PLXDC2: variants seen among roughly 807,000 people sequenced by gnomAD.
PLXDC2 encodes plexin domain-containing protein 2.
Under a neutral mutation model 68.9 loss-of-function variants are expected in PLXDC2, and 40 were observed. The ratio of observed to expected loss-of-function variants is 0.58; its 90% CI spans 0.45 to 0.76. PLXDC2 has a LOEUF of 0.76. PLXDC2 is among the 30% of genes least tolerant of loss of function. The probability of loss-of-function intolerance (pLI) is 0.00; values close to 1 mark genes in which losing one functional copy is unlikely to be tolerated. For synonymous variants in PLXDC2, 243 were observed against 234.2 expected (o/e 1.04, Z -0.34); for missense variants, 644 against 661.9 (o/e 0.97, Z 0.30).
At chr10:20,244,881 T>C (rs1835568164) in intron 12 of PLXDC2, among the ~76,000 whole-genome samples, 2 of 152,140 alleles carry the variant, frequency 1.3e-5, no homozygotes, top group Non-Finnish European at 2.9e-5. Context: ...TTTGGGAGGC[T>C]GAGGCAGGCG....
intron 1 of PLXDC2, among the ~76,000 whole-genome samples, chr10:19,955,426 C>T (rs1393757059): frequency 6.6e-6 from 1 of 152,018 alleles, no homozygotes; most frequent in East Asian, 1.9e-4. Flanking sequence ...TCTTGATTCC[C>T]CTTTTCATCA....
intron 4 of PLXDC2, among the ~76,000 whole-genome samples, chr10:20,126,966 T>C (rs1410821329): frequency 6.7e-6 from 1 of 149,714 alleles, no homozygotes; most frequent in African/African-American, 2.4e-5. Flanking sequence ...TATATACATA[T>C]ATATAAAACA....
rs911172851 is a variant in PLXDC2 at position 20,282,403 on chromosome 10, T to C, written c.*2584T>C. ...TTACATAATTATGTATTAGAGAAGG[T>C]GCAACTGTACATTACTTAATATACT... On this transcript the variant is annotated 3_prime_UTR_variant, in exon 14 of 14. Coordinates refer to ENST00000377252, the MANE Select transcript of PLXDC2 (RefSeq NM_032812.9). The C allele has an allele frequency of 5.3e-5, 8 of 152,102 alleles. No homozygotes were observed. Among genetic ancestry groups the C allele is most frequent in the African/African-American group, 1.9e-4 (8 of 41,422 alleles). The allele number at this position is 152,102 out of a possible 1,614,324, so 9.4% of individuals were successfully genotyped here.
At position 19,870,587 on chromosome 10, in the gene PLXDC2, G is replaced by T. The variant is rs371073284; in HGVS notation, c.112+53396G>T. On this transcript the variant is annotated intron_variant, in intron 1 of 13. Transcript: ENST00000377252. ...ATTACAGGTGCCTGCCACCACACCT[G>T]GCTAATTTTTGTATTTTTAGTAGAG... 3.9e-5 allele frequency among the ~76,000 whole-genome samples: 6 copies of T among 151,920 alleles called. 1 individual carries two copies. The highest frequency in any genetic ancestry group is 1.5e-4 in the African/African-American group (6 of 41,358).
At chr10:19,999,390 GTT>G (rs10715864) in intron 1 of PLXDC2, among the ~76,000 whole-genome samples, 58 of 101,170 alleles carry the variant, frequency 5.7e-4, no homozygotes, top group Admixed American at 2.4e-3. Flanking sequence ...GTAGGTGTTT[GTT>G]TTTTTTTTTT....
chr10:20,014,382 GCTTCCTTCCTTCCTTCCTTCCTTCCTTC>G (rs539488828), intron 2 of PLXDC2, among the ~76,000 whole-genome samples: 5 of 79,076 alleles, frequency 6.3e-5, no homozygotes, highest in East Asian at 6.0e-4. Flanking sequence ...TTCCTTCCTT[GCTTCCTTCCTTCCTTCCTTCCTTCCTTC>G]CTTCCTTCCT....
chr10:19,916,106 A>C (rs942924753), intron 1 of PLXDC2, among the ~76,000 whole-genome samples: 12 of 150,660 alleles, frequency 8.0e-5, no homozygotes, highest in African/African-American at 2.9e-4. Flanking sequence ...TTTACGGGGA[A>C]ATTATGTGGA....
chr10:20,258,404 T>C (rs1341351801), intron 13 of PLXDC2, among the ~76,000 whole-genome samples: 2 of 152,188 alleles, frequency 1.3e-5, no homozygotes, highest in Non-Finnish European at 2.9e-5. Context: ...AAAATCACTC[T>C]TGCTACTTAC....
chr10:19,945,203 A>G (rs1400917525), intron 1 of PLXDC2, among the ~76,000 whole-genome samples: 2 of 152,210 alleles, frequency 1.3e-5, no homozygotes, highest in Non-Finnish European at 2.9e-5. Context: ...ATTTCTGCCC[A>G]GATAAATACA....
intron 1 of PLXDC2, among the ~76,000 whole-genome samples, chr10:19,994,627 G>C (rs180915638): frequency 7.0e-4 from 106 of 152,058 alleles, no homozygotes; most frequent in African/African-American, 2.3e-3. Context: ...GGGATTAAAG[G>C]CATGAGCCAC....
At chr10:19,897,424 T>C (rs1052760296) in intron 1 of PLXDC2, among the ~76,000 whole-genome samples, 9 of 152,010 alleles carry the variant, frequency 5.9e-5, no homozygotes, top group Non-Finnish European at 1.2e-4. Flanking sequence ...TTGTTTTTTT[T>C]AGTAGAGAGG....
intron 1 of PLXDC2, among the ~76,000 whole-genome samples, chr10:19,927,713 CAAAAA>C (rs35250324): frequency 3.8e-5 from 2 of 53,142 alleles, no homozygotes; most frequent in African/African-American, 1.6e-4. Context: ...GGAAAAAAAG[CAAAAA>C]AAAAAAAAAA....
intron 1 of PLXDC2, among the ~76,000 whole-genome samples, chr10:19,819,847 A>G (rs1487674991): frequency 2.6e-5 from 4 of 152,254 alleles, no homozygotes; most frequent in Non-Finnish European, 4.4e-5. Flanking sequence ...CTGTTGAGAC[A>G]TAATCACTAA....
At chr10:20,115,468 T>G (rs1292462753) in intron 4 of PLXDC2, among the ~76,000 whole-genome samples, 1 of 152,162 alleles carries the variant, frequency 6.6e-6, no homozygotes, top group Non-Finnish European at 1.5e-5. Flanking sequence ...AATGTGTAAA[T>G]AGTCCTAAGG....
chr10:19,962,481 C>T (rs1471083483), intron 1 of PLXDC2, among the ~76,000 whole-genome samples: 3 of 145,838 alleles, frequency 2.1e-5, no homozygotes, highest in Non-Finnish European at 4.5e-5. Context: ...CGCTCCGCCT[C>T]GAGGTTTCAC....
intron 1 of PLXDC2, among the ~76,000 whole-genome samples, chr10:19,817,624 A>G (rs972253325): frequency 2.0e-5 from 3 of 152,154 alleles, no homozygotes. Flanking sequence ...CAGGGATTGC[A>G]GGTCTCCCCT....
intron 13 of PLXDC2, among the ~76,000 whole-genome samples, chr10:20,258,195 G>A (rs1457893201): frequency 6.6e-6 from 1 of 151,742 alleles, no homozygotes; most frequent in East Asian, 1.9e-4. Context: ...TAGTGATGGG[G>A]TTTCACTATG....
chr10:20,213,911 T>A (rs527595703), intron 10 of PLXDC2, among the ~76,000 whole-genome samples: 3 of 152,266 alleles, frequency 2.0e-5, no homozygotes, highest in Non-Finnish European at 4.4e-5. Context: ...CTTTTCCTCA[T>A]ATTTTTAAAC....
At chr10:20,003,464 G>A (rs774297946) in intron 2 of PLXDC2, among the ~76,000 whole-genome samples, 18 of 152,204 alleles carry the variant, frequency 1.2e-4, no homozygotes, top group African/African-American at 2.9e-4. Flanking sequence ...ACTGAGTTTC[G>A]CTCTATCATC....
Sources: gnomAD v4.1 joint callset for allele counts (sites outside exome capture counted in the v4.1 genomes callset) on GRCh38, gnomAD v4.1.1 for gene constraint, MANE v1.5 for transcripts, NCBI Gene and HGNC (gene_info 2026-07-23, HGNC 2026-07-21) for gene names.